POSTN: variants seen among roughly 807,000 people sequenced by gnomAD.
POSTN encodes the protein osteoblast specific factor 2 (fasciclin I-like).
POSTN carries 71 observed loss-of-function variants against 104.5 expected under a neutral mutation model. The ratio of observed to expected loss-of-function variants is 0.68; its 90% CI spans 0.56 to 0.83. The LOEUF (loss-of-function observed/expected upper bound fraction) is 0.83, where lower values mean the gene tolerates loss of function less well. POSTN is among the 40% of genes least tolerant of loss of function. The pLI, the probability that POSTN is intolerant of heterozygous loss-of-function variation, is 0.00. For missense variants in POSTN, 949 were observed against 1,006.8 expected, an observed-to-expected ratio of 0.94 and a Z score of 0.78; for synonymous variants, 355 against 340.7, an observed-to-expected ratio of 1.04 and a Z score of -0.46.
rs1566542703 is a variant in POSTN, at chr13:37,569,297, A to G, written c.2431+3T>C. 3.1e-6 allele frequency: 5 copies of G among 1,607,566 alleles called. No homozygotes were observed. Among genetic ancestry groups the G allele is most frequent in the Non-Finnish European group, 3.4e-6 (4 of 1,174,594 alleles). On this transcript the variant is annotated splice_donor_region_variant and intron_variant, in intron 21 of 22. Transcript: ENST00000379747. ...GGGGGTTAGTTGTTGTCCTTTTACTAACCTCCCTGAAGCAGTCTTTTAATT... is the reference window on the plus strand; with the variant it reads ...GGGGGTTAGTTGTTGTCCTTTTACTGACCTCCCTGAAGCAGTCTTTTAATT...
chr13:37,598,566 G>A (rs773295025), intron 1 of POSTN, 42 bp downstream of exon 1: 10 of 1,577,930 alleles, frequency 6.3e-6, no homozygotes, highest in South Asian at 1.1e-5. Flanking sequence ...AACAAGCTGA[G>A]GAAAAAGAAA....
chr13:37,583,246 T>G (rs1341249687), intron 9 of POSTN, among the ~76,000 whole-genome samples: 7 of 152,228 alleles, frequency 4.6e-5, no homozygotes, highest in Middle Eastern at 3.4e-3. Context: ...AGTCTCTTCA[T>G]TTTATTTATT....
At position 37,579,126 on chromosome 13, in the gene POSTN, C is replaced by A; in HGVS notation, c.1792-5G>T. ...CACCAGAAGTGTATCATTTACCTAT[C>A]AAAATAGGAGGCAATTTCAATGAGG... On this transcript the variant is annotated splice_region_variant and splice_polypyrimidine_tract_variant and intron_variant, in intron 13 of 22. Transcript: ENST00000379747. 6.2e-7 allele frequency: 1 copy of A among 1,610,886 alleles called. No homozygotes were observed. Among genetic ancestry groups the A allele is most frequent in the South Asian group, 1.1e-5 (1 of 90,850 alleles).
In POSTN at chr13:37,597,047, C is replaced by G; in HGVS notation, c.218+137G>C. On this transcript the variant is annotated intron_variant, in intron 2 of 22. Transcript: ENST00000379747. Reference sequence around the variant, plus strand: ...GAACTTCTTTATTCACGTATGTATTCCTTTCTTTTCTTTAAATAACTCTCA... The same window carrying G: ...GAACTTCTTTATTCACGTATGTATTGCTTTCTTTTCTTTAAATAACTCTCA... The G allele has an allele frequency of 5.7e-6, 3 of 529,850 alleles. No homozygotes were observed. In the South Asian group the frequency reaches 9.2e-5, roughly 16 times the overall value. 32.8% of individuals were successfully genotyped at this position (529,850 alleles called of 1,614,324 possible).
At chr13:37,580,759 G>T (rs1950560827) in intron 10 of POSTN, 62 bp from the exon 11 acceptor site, 1 of 1,601,092 alleles carries the variant, frequency 6.2e-7, no homozygotes, top group Admixed American at 1.7e-5. Context: ...CCGTATAGAT[G>T]TAACTACATA....
rs776496146 is a variant in POSTN, at chr13:37,586,226, T to A, written c.808A>T (p.Thr270Ser). 10 of 1,613,636 alleles carry A rather than the reference T, an allele frequency of 6.2e-6. No individual in the cohort carries two copies. The African/African-American group carries it at 8.0e-5, about 13-fold the overall frequency. ...LEALGRDGHF[T>S]LFAPTNEAFE... ...GCCTCATTGGTGGGAGCAAAGAGTG[T>A]GAAGTGACCGTCTCTTCCAAGGGCC... The change falls in exon 7 of 23, where the codon ACA (threonine) becomes TCA (serine). Residue 270 changes from threonine (T) to serine (S), a missense_variant. Physicochemically the swap from Thr to Ser is moderately conservative, Grantham distance 58. Transcript: ENST00000379747.
intron 21 of POSTN, 159 bp from the exon 22 acceptor site, chr13:37,564,719 A>G (rs764332464): frequency 1.1e-5 from 5 of 461,992 alleles, no homozygotes; most frequent in Non-Finnish European, 1.9e-5. Flanking sequence ...AGAGTTTTAC[A>G]TTTTTTCGTA....
chr13:37,563,298 GGTT>G lies in POSTN; in HGVS notation c.*32_*34del, dbSNP rs751272612. Reference sequence around the variant, plus strand: ...TTCTAAGGTCAGGTTATTGACTTAGGGTTGTATAAACATTTTTTTCTGGTTTTT... The same window carrying G: ...TTCTAAGGTCAGGTTATTGACTTAGGGTATAAACATTTTTTTCTGGTTTTT... On this transcript the variant is annotated 3_prime_UTR_variant, in exon 23 of 23. Coordinates refer to ENST00000379747, the MANE Select transcript of POSTN (RefSeq NM_006475.3). 100 of 1,505,430 alleles carry G rather than the reference GGTT, an allele frequency of 6.6e-5. No individual in the cohort carries two copies. Among genetic ancestry groups the G allele is most frequent in the Non-Finnish European group, 8.6e-5 (94 of 1,091,948 alleles). The allele number at this position is 1,505,430 out of a possible 1,614,324, so 93.3% of individuals were successfully genotyped here.
chr13:37,590,606 CTG>C (rs2138364392), intron 3 of POSTN, 77 bp from the exon 4 acceptor site: 2 of 1,228,622 alleles, frequency 1.6e-6, no homozygotes, highest in Non-Finnish European at 2.2e-6. Flanking sequence ...AAACTTTATG[CTG>C]TGTTTCCCAA....
chr13:37,569,923 G>C lies in POSTN; in HGVS notation c.2270-102C>G, dbSNP rs1293696957. On this transcript the variant is annotated intron_variant, in intron 19 of 22. Transcript: ENST00000379747. Reference sequence around the variant, plus strand: ...TTTACACTTGTGGGCCATGTAGTCTGTGTTGCCATTGTTCAACTCTGATAC... The same window carrying C: ...TTTACACTTGTGGGCCATGTAGTCTCTGTTGCCATTGTTCAACTCTGATAC... 2.0e-5 allele frequency: 15 copies of C among 752,344 alleles called. 2 individuals carry two copies. The South Asian group carries it at 2.4e-4, about 12-fold the overall frequency. The allele number at this position is 752,344 out of a possible 1,614,324, so 46.6% of individuals were successfully genotyped here. A position where few individuals can be genotyped will look rare whatever the true frequency, so the allele number is the denominator to read the frequency against.
intron 9 of POSTN, 78 bp from the exon 10 acceptor site, chr13:37,582,592 A>G (rs767837013): frequency 1.4e-5 from 18 of 1,283,578 alleles, no homozygotes; most frequent in Non-Finnish European, 1.8e-5. Flanking sequence ...ACAGAATCAT[A>G]TAAACAGATA....
At chr13:37,567,453 T>C (rs1950147735) in intron 21 of POSTN, among the ~76,000 whole-genome samples, 3 of 151,926 alleles carry the variant, frequency 2.0e-5, no homozygotes, top group Admixed American at 2.0e-4. Context: ...AAGGGGATAC[T>C]TGTGACTCAG....
At chr13:37,593,878 G>A (rs933179384) in intron 2 of POSTN, among the ~76,000 whole-genome samples, 5 of 151,594 alleles carry the variant, frequency 3.3e-5, no homozygotes, top group Non-Finnish European at 5.9e-5. Context: ...TTGTAGTCTG[G>A]TTTATAACCT....
chr13:37,598,205 A>G (rs1234618165), intron 1 of POSTN, among the ~76,000 whole-genome samples: 3 of 152,176 alleles, frequency 2.0e-5, no homozygotes, highest in East Asian at 3.8e-4. Context: ...TTTCTCTAAC[A>G]TCATGTGAGA....
intron 19 of POSTN, among the ~76,000 whole-genome samples, chr13:37,570,295 C>T (rs1950226463): frequency 6.6e-6 from 1 of 151,636 alleles, no homozygotes; most frequent in South Asian, 2.1e-4. Flanking sequence ...CATTAACAAA[C>T]AGTAAAGTGA....
intron 21 of POSTN, 116 bp downstream of exon 21, chr13:37,569,184 T>G: frequency 1.6e-6 from 1 of 614,654 alleles, no homozygotes. Context: ...ACAGTGGATG[T>G]TGTCTTTTTT....
At chr13:37,564,662 C>T (rs1405989290) in intron 21 of POSTN, 102 bp from the exon 22 acceptor site, 4 of 559,918 alleles carry the variant, frequency 7.1e-6, no homozygotes, top group Non-Finnish European at 1.3e-5. Context: ...AAATAAGTAT[C>T]ACTTAAACAC....
Position 37,586,183 on chromosome 13 carries a change from C to G in POSTN, c.851G>C (p.Arg284Pro). The G allele has an allele frequency of 6.2e-7, 1 of 1,613,822 alleles. No homozygotes were observed. The highest frequency in any genetic ancestry group is 8.5e-7 in the Non-Finnish European group (1 of 1,179,802). The change falls in exon 7 of 23, where the codon CGA (arginine) becomes CCA (proline). Residue 284 changes from arginine (R) to proline (P), a missense_variant. Coordinates refer to ENST00000379747, the MANE Select transcript of POSTN (RefSeq NM_006475.3). ...PTNEAFEKLP[R>P]GVLERIMGDK... The stretch of plus-strand genomic sequence containing the variant: ...TCCCATGATCCTTTCTAGGACACCT[C>G]GTGGAAGTTTCTCAAAAGCCTCATT...
intron 3 of POSTN, 45 bp from the exon 4 acceptor site, chr13:37,590,574 A>G (rs757378390): frequency 1.4e-5 from 20 of 1,456,622 alleles, no homozygotes; most frequent in Non-Finnish European, 1.9e-6. Flanking sequence ...TAATATTCTC[A>G]GGATATTATT....
Sources: gnomAD v4.1 joint callset for allele counts (sites outside exome capture counted in the v4.1 genomes callset) on GRCh38, gnomAD v4.1.1 for gene constraint, MANE v1.5 for transcripts, NCBI Gene and HGNC (gene_info 2026-07-23, HGNC 2026-07-21) for gene names.